Variants in TAS2R1 observed in about 807,000 individuals in gnomAD.
TAS2R1 encodes the protein taste 2 receptor member 1, also known as taste receptor type 2 member 1.
For missense variants in TAS2R1, 370 were observed against 353.4 expected (o/e 1.05, Z -0.38); for synonymous variants, 141 against 134.2 (o/e 1.05, Z -0.35).
At chr5:9,656,938 A>C (rs1369404068) in intron 2 of TAS2R1, among the ~76,000 whole-genome samples, 1 of 152,188 alleles carries the variant, frequency 6.6e-6, no homozygotes, top group African/African-American at 2.4e-5. Context: ...TGATTGAATA[A>C]ATTATAAATT....
At chr5:9,665,263 T>C (rs1390923605) in intron 1 of TAS2R1, among the ~76,000 whole-genome samples, 1 of 152,222 alleles carries the variant, frequency 6.6e-6, no homozygotes, top group East Asian at 1.9e-4. Flanking sequence ...TCTCTCTGCT[T>C]TTAAGGGCTC....
At chr5:9,664,708 A>T (rs1243532649) in intron 1 of TAS2R1, among the ~76,000 whole-genome samples, 1 of 150,798 alleles carries the variant, frequency 6.6e-6, no homozygotes, top group Non-Finnish European at 1.5e-5. Flanking sequence ...ATTGCCTATC[A>T]AAACTCAGCC....
the TAS2R1 span, among the ~76,000 whole-genome samples, chr5:9,830,571 TGGTAGGTA>T: frequency 1.3e-5 from 2 of 150,056 alleles, no homozygotes; most frequent in African/African-American, 4.9e-5. Flanking sequence ...GATAGATGGT[TGGTAGGTA>T]GGTAGGTAGA....
the TAS2R1 span, among the ~76,000 whole-genome samples, chr5:9,844,746 A>G: frequency 2.6e-5 from 4 of 152,078 alleles, no homozygotes; most frequent in African/African-American, 9.7e-5. Context: ...GCCTTTTGTA[A>G]TAGATGAACT....
the TAS2R1 span, among the ~76,000 whole-genome samples, chr5:9,877,051 T>C: frequency 1.3e-5 from 2 of 152,224 alleles, no homozygotes; most frequent in Admixed American, 6.5e-5. Context: ...ACTTTCTTCA[T>C]GGATCATCAG....
chr5:9,864,851 G>A, the TAS2R1 span, among the ~76,000 whole-genome samples: 2 of 152,070 alleles, frequency 1.3e-5, no homozygotes, highest in African/African-American at 4.8e-5. Context: ...TGGCATGCAG[G>A]AAGACCCTCT....
chr5:9,863,501 C>T, the TAS2R1 span, among the ~76,000 whole-genome samples: 2 of 152,106 alleles, frequency 1.3e-5, no homozygotes, highest in African/African-American at 2.4e-5. Context: ...CTCCTGACCT[C>T]GTGATCTGCC....
At chr5:9,902,885 C>T in the TAS2R1 span, 1 of 151,640 alleles carries the variant, frequency 6.6e-6, no homozygotes, top group Non-Finnish European at 1.5e-5. Context: ...AAAAATCACT[C>T]GTGTCTTCAG....
At chr5:9,735,790 T>G in the TAS2R1 span, among the ~76,000 whole-genome samples, 2 of 152,372 alleles carry the variant, frequency 1.3e-5, no homozygotes, top group South Asian at 4.1e-4. Context: ...TGCAAAGTTT[T>G]ATTTAAGAAC....
chr5:9,719,918 C>CAAAAAAAAAAAAAAAAAA, the TAS2R1 span, among the ~76,000 whole-genome samples: 1 of 64,330 alleles, frequency 1.6e-5, no homozygotes, highest in African/African-American at 7.1e-5. Flanking sequence ...GATTCCGATT[C>CAAAAAAAAAAAAAAAAAA]AAAAAAAAAA....
At chr5:9,832,428 C>T in the TAS2R1 span, among the ~76,000 whole-genome samples, 6 of 152,262 alleles carry the variant, frequency 3.9e-5, no homozygotes, top group Admixed American at 3.3e-4. Context: ...AAAGGTGAAA[C>T]GTAAGGCAAA....
At chr5:9,646,769 C>T (rs555573391) in intron 2 of TAS2R1, among the ~76,000 whole-genome samples, 3 of 152,206 alleles carry the variant, frequency 2.0e-5, no homozygotes, top group Non-Finnish European at 4.4e-5. Flanking sequence ...AATGTGGGAC[C>T]AGCCTTTGTG....
chr5:9,725,459 C>T, the TAS2R1 span, among the ~76,000 whole-genome samples: 5 of 152,302 alleles, frequency 3.3e-5, no homozygotes, highest in East Asian at 3.9e-4. Context: ...GCTTAGCACC[C>T]GGGCCAGCAG....
At chr5:9,861,036 G>GGTTTTTTTTTTT in the TAS2R1 span, among the ~76,000 whole-genome samples, 1 of 29,708 alleles carries the variant, frequency 3.4e-5, no homozygotes, top group Non-Finnish European at 7.8e-5. Flanking sequence ...GGGAAGATGA[G>GGTTTTTTTTTTT]GTTTTTTTTT....
At chr5:9,831,611 G>A in the TAS2R1 span, among the ~76,000 whole-genome samples, 1 of 141,832 alleles carries the variant, frequency 7.1e-6, no homozygotes, top group Non-Finnish European at 1.6e-5. Flanking sequence ...TCTTTAACGA[G>A]CATGTTTCTG....
At chr5:9,699,320 C>T (rs896495977) in intron 1 of TAS2R1, among the ~76,000 whole-genome samples, 1 of 152,170 alleles carries the variant, frequency 6.6e-6, no homozygotes, top group Non-Finnish European at 1.5e-5. Flanking sequence ...TGAGCATTCG[C>T]GAATTGAATC....
At chr5:9,896,856 G>T in the TAS2R1 span, among the ~76,000 whole-genome samples, 1 of 152,152 alleles carries the variant, frequency 6.6e-6, no homozygotes, top group African/African-American at 2.4e-5. Context: ...TGCACCCACT[G>T]CTTCTGCATC....
upstream of TAS2R1, among the ~76,000 whole-genome samples, chr5:9,716,894 A>T (rs1370913288): frequency 1.3e-5 from 2 of 152,122 alleles, no homozygotes; most frequent in East Asian, 3.9e-4. Context: ...AACCAGCCAT[A>T]CGATCGATAC....
the TAS2R1 span, among the ~76,000 whole-genome samples, chr5:9,804,803 A>T: frequency 1.3e-5 from 2 of 152,190 alleles, no homozygotes; most frequent in African/African-American, 4.8e-5. Flanking sequence ...AAAAAGCACA[A>T]ATAGACAATC....
Sources: allele counts gnomAD v4.1 joint callset (sites outside exome capture counted in the v4.1 genomes callset), GRCh38; gene constraint gnomAD v4.1.1; transcripts MANE v1.5; gene names NCBI Gene and HGNC (gene_info 2026-07-23, HGNC 2026-07-21).